FAM124A: variants seen among roughly 807,000 people sequenced by gnomAD.
The protein encoded by FAM124A is protein FAM124A.
FAM124A carries 23 observed loss-of-function variants against 24.5 expected under a neutral mutation model. That is an observed-to-expected ratio of 0.94 (90% CI 0.68 to 1.33). The LOEUF (loss-of-function observed/expected upper bound fraction) is 1.33, where lower values mean the gene tolerates loss of function less well. Among genes scored for constraint, FAM124A ranks in the 40% most tolerant of loss-of-function variants. The pLI, the probability that FAM124A is intolerant of heterozygous loss-of-function variation, is 0.00. For missense variants in FAM124A, 623 were observed against 722.8 expected (o/e 0.86, Z 1.58); for synonymous variants, 287 against 314.7 (o/e 0.91, Z 0.93).
chr13:51,261,040 A>G (rs1053476455), intron 3 of FAM124A, among the ~76,000 whole-genome samples: 1 of 152,248 alleles, frequency 6.6e-6, no homozygotes, highest in Non-Finnish European at 1.5e-5. Flanking sequence ...ACCATCAAAA[A>G]TACAAGTCTC....
In FAM124A at chr13:51,251,573, T is replaced by C; in HGVS notation, c.206T>C (p.Leu69Pro). 1 of 1,549,554 alleles carries C rather than the reference T, an allele frequency of 6.5e-7. No individual in the cohort carries two copies. The highest frequency in any genetic ancestry group is 8.7e-7 in the Non-Finnish European group (1 of 1,146,128). The part of the protein sequence containing the change: ...QPLQEAIDNV[L>P]AWIHPDLPLF... ...CTGCAGGAGGCCATCGACAACGTCC[T>C]GGCGTGGATCCACCCCGACCTCCCG... is the stretch of plus-strand genomic sequence containing the variant. Residue 69 changes from leucine (L) to proline (P), a missense_variant, in exon 3 of 4, where the codon CTG (leucine) becomes CCG (proline). Physicochemically the swap from Leu to Pro is moderately conservative, Grantham distance 98. Transcript: ENST00000322475. The surrounding 1 kb of genome is among the most constrained non-coding windows in gnomAD (Gnocchi z 5.3).
intron 2 of FAM124A, among the ~76,000 whole-genome samples, chr13:51,248,120 A>G (rs1373375383): frequency 1.3e-5 from 2 of 152,194 alleles, no homozygotes; most frequent in African/African-American, 2.4e-5. Flanking sequence ...AAGCAACACA[A>G]AGATCCAGTT....
chr13:51,223,660 G>A (rs938547154), intron 1 of FAM124A, among the ~76,000 whole-genome samples: 1 of 152,158 alleles, frequency 6.6e-6, no homozygotes, highest in African/African-American at 2.4e-5. Flanking sequence ...CCAAATGCGG[G>A]ACTTTACTCC....
chr13:51,256,862 C>T (rs1954680416), intron 3 of FAM124A, among the ~76,000 whole-genome samples: 3 of 152,180 alleles, frequency 2.0e-5, no homozygotes, highest in Admixed American at 2.0e-4. Flanking sequence ...CCCCGAGGCC[C>T]TGGCAACCTC....
intron 3 of FAM124A, among the ~76,000 whole-genome samples, chr13:51,270,771 G>T: frequency 6.6e-6 from 1 of 152,226 alleles, no homozygotes; most frequent in Non-Finnish European, 1.5e-5. Flanking sequence ...TGGACCGTTT[G>T]TTCAGCCTGA....
intron 2 of FAM124A, among the ~76,000 whole-genome samples, chr13:51,250,828 A>G (rs547605359): frequency 2.4e-3 from 361 of 152,338 alleles, no homozygotes; most frequent in African/African-American, 8.3e-3. Flanking sequence ...AATAGGGGAC[A>G]CTGTGGGCAG....
intron 1 of FAM124A, chr13:51,225,210 C>G (rs527821249): frequency 6.6e-6 from 1 of 152,148 alleles, no homozygotes; most frequent in South Asian, 2.1e-4. Flanking sequence ...TGAGGTGTTG[C>G]AAGACATCCA....
intron 2 of FAM124A, among the ~76,000 whole-genome samples, chr13:51,245,026 A>C (rs976438192): frequency 6.6e-6 from 1 of 152,256 alleles, no homozygotes; most frequent in African/African-American, 2.4e-5. Flanking sequence ...GGATGTGGAC[A>C]CACAAGGAGT....
At chr13:51,229,574 G>A (rs1392811651) in intron 1 of FAM124A, among the ~76,000 whole-genome samples, 1 of 152,034 alleles carries the variant, frequency 6.6e-6, no homozygotes, top group Admixed American at 6.5e-5. Flanking sequence ...AAGAGAATTT[G>A]GAAAATCCTA....
chr13:51,237,539 G>A (rs1036699505), intron 2 of FAM124A, among the ~76,000 whole-genome samples: 1 of 152,086 alleles, frequency 6.6e-6, no homozygotes, highest in Admixed American at 6.5e-5. Flanking sequence ...GAATGAGTCT[G>A]CAGCCCTGGA....
chr13:51,243,396 C>T (rs1356957200), intron 2 of FAM124A, among the ~76,000 whole-genome samples: 1 of 152,112 alleles, frequency 6.6e-6, no homozygotes, highest in Non-Finnish European at 1.5e-5. Context: ...ATTTGGAGGC[C>T]CCTTTCTGAA....
At chr13:51,240,613 G>A (rs1432054375) in intron 2 of FAM124A, among the ~76,000 whole-genome samples, 1 of 152,196 alleles carries the variant, frequency 6.6e-6, no homozygotes, top group African/African-American at 2.4e-5. Context: ...CTATGAGACA[G>A]TGTGATGAAG....
At chr13:51,259,276 T>C (rs984311798) in intron 3 of FAM124A, among the ~76,000 whole-genome samples, 5 of 152,086 alleles carry the variant, frequency 3.3e-5, no homozygotes, top group Non-Finnish European at 4.4e-5. Context: ...CGAGGGATCC[T>C]TTTACAATGC....
chr13:51,238,796 C>A (rs1159029174), intron 2 of FAM124A, among the ~76,000 whole-genome samples: 1 of 152,132 alleles, frequency 6.6e-6, no homozygotes, highest in African/African-American at 2.4e-5. Context: ...GCCTGAAAAG[C>A]TAGGCAGTAT....
At chr13:51,244,340 T>G (rs1954533323) in intron 2 of FAM124A, among the ~76,000 whole-genome samples, 1 of 152,208 alleles carries the variant, frequency 6.6e-6, no homozygotes, top group African/African-American at 2.4e-5. Flanking sequence ...GATTATAAGC[T>G]CTCTGAAGGC....
At position 51,280,080 on chromosome 13, in the gene FAM124A, C is replaced by A. The variant is rs533899030; in HGVS notation, c.835-370C>A. ...GATTCTTTGGTTGGAAGGAAAGAAA[C>A]CCTGCAAGCATTCTTTTTGCATTTT... On this transcript the variant is annotated intron_variant, in intron 3 of 3. Transcript: ENST00000322475. Among the ~76,000 whole-genome samples, 235 of 152,306 alleles carry A rather than the reference C, an allele frequency of 1.5e-3. 1 individual carries two copies. The highest frequency in any genetic ancestry group is 5.2e-3 in the African/African-American group (215 of 41,558).
Position 51,280,447 on chromosome 13 carries a change from C to A in FAM124A, c.835-3C>A. The A allele has an allele frequency of 1.3e-6, 2 of 1,583,382 alleles. No homozygotes were observed. Among genetic ancestry groups the A allele is most frequent in the Non-Finnish European group, 1.7e-6 (2 of 1,162,150 alleles). The stretch of plus-strand genomic sequence containing the variant: ...CTAATGTGATCTGCCTCTCCCCCCA[C>A]AGGCACAAAGGGTGCATAAGAAGTT... On this transcript the variant is annotated splice_polypyrimidine_tract_variant and splice_region_variant and intron_variant, in intron 3 of 3. Transcript: ENST00000322475.
intron 3 of FAM124A, among the ~76,000 whole-genome samples, chr13:51,279,707 A>G (rs916682271): frequency 6.6e-6 from 1 of 152,202 alleles, no homozygotes; most frequent in African/African-American, 2.4e-5. Flanking sequence ...GGGATATGAC[A>G]GGGCAAAGCT....
intron 3 of FAM124A, among the ~76,000 whole-genome samples, chr13:51,257,868 C>T (rs549808692): frequency 9.8e-5 from 15 of 152,318 alleles, no homozygotes; most frequent in African/African-American, 3.6e-4. Context: ...TTTTTCTTCT[C>T]ACACACTTAA....
Sources: allele counts gnomAD v4.1 joint callset (sites outside exome capture counted in the v4.1 genomes callset), GRCh38; gene constraint gnomAD v4.1.1; non-coding constraint Gnocchi (gnomAD v3.1); transcripts MANE v1.5; gene names NCBI Gene and HGNC (gene_info 2026-07-23, HGNC 2026-07-21).